The following SH3BP4 variants were observed in gnomAD, a reference collection of about 807,000 sequenced individuals.
The protein encoded by SH3BP4 is SH3 domain-binding protein 4.
In SH3BP4, 33 loss-of-function variants were observed where a neutral mutation model predicts 65.5. The ratio of observed to expected loss-of-function variants is 0.50; its 90% CI spans 0.38 to 0.67. SH3BP4 has a LOEUF of 0.67. Among genes scored for constraint, SH3BP4 ranks in the 30% least tolerant of loss-of-function variants. SH3BP4 has a pLI of 0.00. For missense variants in SH3BP4, 1,134 were observed against 1,261.4 expected, an observed-to-expected ratio of 0.90 and a Z score of 1.53; for synonymous variants, 552 against 545.5, an observed-to-expected ratio of 1.01 and a Z score of -0.17.
At chr2:235,051,277 A>G (rs1232930187) in intron 4 of SH3BP4, among the ~76,000 whole-genome samples, 1 of 152,168 alleles carries the variant, frequency 6.6e-6, no homozygotes, top group Admixed American at 6.5e-5. Flanking sequence ...GGCACAGTGT[A>G]CAGGACTAGC....
chr2:235,025,726 G>A (rs1418653416), intron 2 of SH3BP4, among the ~76,000 whole-genome samples: 1 of 152,252 alleles, frequency 6.6e-6, no homozygotes, highest in Non-Finnish European at 1.5e-5. Context: ...GATAAAAGCA[G>A]TAAATGCCTA....
At chr2:235,016,627 G>T (rs760912393) in intron 2 of SH3BP4, among the ~76,000 whole-genome samples, 7 of 152,078 alleles carry the variant, frequency 4.6e-5, no homozygotes, top group Non-Finnish European at 1.0e-4. Context: ...TCCTGCCTCA[G>T]CCTCCCAAGT....
At chr2:234,955,850 T>C (rs952927129) in intron 1 of SH3BP4, among the ~76,000 whole-genome samples, 3 of 152,128 alleles carry the variant, frequency 2.0e-5, no homozygotes, top group Non-Finnish European at 4.4e-5. Flanking sequence ...GGGGTTTCAT[T>C]TTACAGGGAA....
chr2:234,953,103 T>TTG (rs1234926242), intron 1 of SH3BP4: 1 of 152,258 alleles, frequency 6.6e-6, no homozygotes, highest in African/African-American at 2.4e-5. Flanking sequence ...CTGTGCGAGA[T>TTG]TGTATTCCTG....
intron 1 of SH3BP4, among the ~76,000 whole-genome samples, chr2:234,987,065 C>CCCAG (rs112656687): frequency 1.3e-5 from 2 of 151,896 alleles, no homozygotes; most frequent in Admixed American, 1.3e-4. Context: ...AGCCACCCCG[C>CCCAG]CCGGCCTGCT....
rs912768257 is a variant in SH3BP4, at chr2:235,046,211, G to A, written c.2478+2964G>A. ...AGCTCAAATGCCGTCTCTCCAGGAC[G>A]TCCTTCTCTGCAGCCCCGCGCACTC... On this transcript the variant is annotated intron_variant, in intron 4 of 5. Coordinates refer to ENST00000392011, the MANE Select transcript of SH3BP4 (RefSeq NM_014521.3). The surrounding 1 kb of genome is among the most constrained non-coding windows in gnomAD (Gnocchi z 4.2). Among the ~76,000 whole-genome samples, 3 of 152,112 alleles carry A rather than the reference G, an allele frequency of 2.0e-5. No individual in the cohort carries two copies. Among genetic ancestry groups the A allele is most frequent in the Non-Finnish European group, 2.9e-5 (2 of 68,026 alleles).
chr2:234,984,232 C>G (rs958022189), intron 1 of SH3BP4, among the ~76,000 whole-genome samples: 1 of 151,626 alleles, frequency 6.6e-6, no homozygotes. Context: ...GGGGCAGGGT[C>G]TCATTCTGTC....
chr2:235,039,392 ATGAC>A (rs967968454), intron 3 of SH3BP4, among the ~76,000 whole-genome samples: 1 of 152,180 alleles, frequency 6.6e-6, no homozygotes, highest in East Asian at 1.9e-4. Flanking sequence ...ATAGAATACG[ATGAC>A]TGTGGACTTC....
chr2:234,995,646 C>T (rs1045359931), intron 2 of SH3BP4: 1 of 152,334 alleles, frequency 6.6e-6, no homozygotes, highest in African/African-American at 2.4e-5. Flanking sequence ...ATCCAGAAGC[C>T]CGGCCCCGGC....
At position 234,988,780 on chromosome 2, in the gene SH3BP4, C is replaced by T. The variant is rs116113413; in HGVS notation, c.-206-6523C>T. Among the ~76,000 whole-genome samples the T allele has an allele frequency of 7.6e-3, 1,150 of 152,306 alleles. 5 individuals carry two copies. The highest frequency in any genetic ancestry group is 0.031 in the Middle Eastern group (9 of 294). On this transcript the variant is annotated intron_variant, in intron 1 of 5. Transcript: ENST00000392011. ...GGTGCTGGGTGGGTGGTTGTCTCAA[C>T]GCCCCTCCTCCATTTTTATGCTTAG...
intron 1 of SH3BP4, among the ~76,000 whole-genome samples, chr2:234,982,762 C>T (rs547858024): frequency 6.6e-6 from 1 of 152,210 alleles, no homozygotes; most frequent in Non-Finnish European, 1.5e-5. Flanking sequence ...GGGCCGCTGA[C>T]CTGGCTGGAG....
chr2:234,996,901 T>A (rs1693938815), intron 2 of SH3BP4, among the ~76,000 whole-genome samples: 1 of 151,416 alleles, frequency 6.6e-6, no homozygotes, highest in Admixed American at 6.6e-5. Flanking sequence ...CCTCTCGGGC[T>A]CCAGCAGTTC....
At position 235,041,356 on chromosome 2, in the gene SH3BP4, A is replaced by T; in HGVS notation, c.587A>T (p.Asp196Val). 2 of 1,614,172 alleles carry T rather than the reference A, an allele frequency of 1.2e-6. No individual in the cohort carries two copies. Among genetic ancestry groups the T allele is most frequent in the Non-Finnish European group, 8.5e-7 (1 of 1,180,024 alleles). Residue 196 changes from aspartate to valine, a missense_variant, in exon 4 of 6, where the codon GAC becomes GTC. Asp to Val is a radical substitution (Grantham distance 152). Transcript: ENST00000392011. This position sits in a 1 kb window ranked among gnomAD's most constrained non-coding sequence, Gnocchi z 6.0. ...AGTACTGTGGATTTGCTCCTTTTTG[A>T]CGCAGGTACATCCTCCTTCACCGAA... ...PKSTVDLLLF[D>V]AGTSSFTESS...
intron 4 of SH3BP4, among the ~76,000 whole-genome samples, chr2:235,049,579 C>A (rs2106342815): frequency 6.6e-6 from 1 of 152,320 alleles, no homozygotes; most frequent in Non-Finnish European, 1.5e-5. Flanking sequence ...TACACACCCT[C>A]CTGACACGTG....
In SH3BP4 at chr2:234,995,369, T is replaced by C. The variant is rs1693880428; in HGVS notation, c.-140T>C. 1 of 152,276 alleles carries C rather than the reference T, an allele frequency of 6.6e-6. No individual in the cohort carries two copies. The highest frequency in any genetic ancestry group is 2.1e-4 in the South Asian group (1 of 4,830). 9.4% of individuals were successfully genotyped at this position (152,276 alleles called of 1,614,324 possible). A position where few individuals can be genotyped will look rare whatever the true frequency, so the allele number is the denominator to read the frequency against. On this transcript the variant is annotated 5_prime_UTR_variant, in exon 2 of 6. Transcript: ENST00000392011. ...TTCTCTGATGGCGAGAGGCTGCGGC[T>C]GTACCAGGTAGGCAGTGCAGGCATG...
rs1559254246 is a variant in SH3BP4 at position 235,038,301 on chromosome 2, A to AT, written c.119-2586dup. Among the ~76,000 whole-genome samples the AT allele has an allele frequency of 3.9e-3, 47 of 11,990 alleles. 1 individual carries two copies. The highest frequency in any genetic ancestry group is 0.023 in the African/African-American group (46 of 1,970). 7.9% of individuals were successfully genotyped at this position (11,990 alleles called of 152,430 possible). A position where few individuals can be genotyped will look rare whatever the true frequency, so the allele number is the denominator to read the frequency against. On this transcript the variant is annotated intron_variant, in intron 3 of 5. Coordinates refer to ENST00000392011, the MANE Select transcript of SH3BP4 (RefSeq NM_014521.3). Reference sequence around the variant, plus strand: ...ATATATTATATATAATATATATATTATATATATATATTATATATTATATAT... The same window carrying AT: ...ATATATTATATATAATATATATATTATTATATATATATTATATATTATATAT...
intron 2 of SH3BP4, among the ~76,000 whole-genome samples, chr2:235,012,452 T>C (rs559144968): frequency 5.3e-5 from 8 of 152,310 alleles, no homozygotes; most frequent in African/African-American, 1.4e-4. Context: ...TTCCTGGTTG[T>C]CATGTTTGGA....
In SH3BP4 at chr2:234,952,539, G is replaced by A. The variant is rs113283658; in HGVS notation, c.-207+369G>A. On this transcript the variant is annotated intron_variant, in intron 1 of 5. Transcript: ENST00000392011. The surrounding 1 kb of genome is among the most constrained non-coding windows in gnomAD (Gnocchi z 6.5). ...TGCGGGGTGGCCTCCCTGGGCAACC[G>A]GACGCGTCCTCGGGCGCAAATCGGG... Among the ~76,000 whole-genome samples, 3,548 of 151,730 alleles carry A rather than the reference G, an allele frequency of 0.023. 62 individuals are homozygous for A. Among genetic ancestry groups the A allele is most frequent in the Non-Finnish European group, 0.033 (2,222 of 67,802 alleles).
Position 235,041,325 on chromosome 2 carries a change from C to T in SH3BP4, c.556C>T (p.Pro186Ser), listed in dbSNP as rs1695633493. 1.1e-5 allele frequency: 17 copies of T among 1,614,180 alleles called. No individual in the cohort carries two copies. Among genetic ancestry groups the T allele is most frequent in the Non-Finnish European group, 1.4e-5 (17 of 1,180,034 alleles). Residue 186 changes from proline to serine, a missense_variant, in exon 4 of 6, where the codon CCC becomes TCC. By Grantham distance (74) the Pro-to-Ser change is moderately conservative. Coordinates refer to ENST00000392011, the MANE Select transcript of SH3BP4 (RefSeq NM_014521.3). This position sits in a 1 kb window ranked among gnomAD's most constrained non-coding sequence, Gnocchi z 6.0. ...PVMPSLDELN[P>S]KSTVDLLLFD... ...CATGCCCAGCCTGGATGAGCTGAAT[C>T]CCAAAAGTACTGTGGATTTGCTCCT...
Sources: gnomAD v4.1 joint callset for allele counts (sites outside exome capture counted in the v4.1 genomes callset) on GRCh38, gnomAD v4.1.1 for gene constraint, Gnocchi (gnomAD v3.1) non-coding constraint, MANE v1.5 for transcripts, NCBI Gene and HGNC (gene_info 2026-07-23, HGNC 2026-07-21) for gene names.